Variants in DHRSX observed in about 807,000 individuals in gnomAD.
DHRSX encodes polyprenol dehydrogenase.
Under a neutral mutation model 34.0 loss-of-function variants are expected in DHRSX, and 31 were observed. The observed-to-expected ratio is 0.91, with a 90% CI of 0.69 to 1.23. The LOEUF (loss-of-function observed/expected upper bound fraction) is 1.23, where lower values mean the gene tolerates loss of function less well. Ranked by LOEUF, DHRSX falls within the 50% of genes most tolerant of loss-of-function variation. The pLI is 0.00. For missense variants in DHRSX, 414 were observed against 428.1 expected (o/e 0.97, Z 0.29); for synonymous variants, 201 against 183.8 (o/e 1.09, Z -0.76).
At chrX:2,375,353 G>A (rs1161968009) in intron 3 of DHRSX, among the ~76,000 whole-genome samples, 2 of 138,020 alleles carry the variant, frequency 1.4e-5, no homozygotes, top group African/African-American at 4.9e-5. Context: ...AATGCGGTTC[G>A]TTCTTGGATA....
chrX:2,418,921 AC>A (rs11296729), intron 2 of DHRSX, among the ~76,000 whole-genome samples: 122,788 of 151,694 alleles, frequency 0.81, 50,384 homozygotes, highest in East Asian at 0.94. Context: ...AAATCTCAGA[AC>A]CCCCCCTGCC....
chrX:2,409,904 G>A (rs1043102841), intron 2 of DHRSX, among the ~76,000 whole-genome samples: 5 of 151,662 alleles, frequency 3.3e-5, no homozygotes, highest in African/African-American at 4.8e-5. Context: ...TAATTTTTTC[G>A]TATCTTTAGT....
At chrX:2,374,367 G>A (rs995306347) in intron 3 of DHRSX, among the ~76,000 whole-genome samples, 1 of 152,078 alleles carries the variant, frequency 6.6e-6, no homozygotes, top group Non-Finnish European at 1.5e-5. Flanking sequence ...GGGAGGCCGT[G>A]GTGGGAAGAT....
chrX:2,324,950 T>G (rs2042360602), intron 3 of DHRSX, among the ~76,000 whole-genome samples: 1 of 149,540 alleles, frequency 6.7e-6, no homozygotes, highest in African/African-American at 2.5e-5. Context: ...TGTTTTGTTT[T>G]TTTTTTTTTT....
chrX:2,456,149 C>T (rs1343590044), intron 1 of DHRSX, among the ~76,000 whole-genome samples: 3 of 152,102 alleles, frequency 2.0e-5, no homozygotes, highest in Admixed American at 6.6e-5. Flanking sequence ...GGGGTGACCC[C>T]AGAAACAAGA....
At chrX:2,223,540 G>A (rs1015267421) in intron 6 of DHRSX, among the ~76,000 whole-genome samples, 5 of 152,056 alleles carry the variant, frequency 3.3e-5, no homozygotes, top group Non-Finnish European at 5.9e-5. Context: ...CCTGTGTCCC[G>A]TGTCTTGCCC....
At chrX:2,341,883 C>G (rs190680388) in intron 3 of DHRSX, among the ~76,000 whole-genome samples, 67 of 151,918 alleles carry the variant, frequency 4.4e-4, no homozygotes, top group Non-Finnish European at 9.0e-4. Context: ...CAGCTCACCG[C>G]AACCTCTACC....
intron 3 of DHRSX, among the ~76,000 whole-genome samples, chrX:2,356,688 T>TC (rs1344741292): frequency 6.6e-6 from 1 of 152,136 alleles, no homozygotes; most frequent in Non-Finnish European, 1.5e-5. Context: ...CTCCTTCTCC[T>TC]CCTCAGCCTC....
chrX:2,413,461 G>C (rs1353329570), intron 2 of DHRSX, among the ~76,000 whole-genome samples: 1 of 152,122 alleles, frequency 6.6e-6, no homozygotes, highest in East Asian at 1.9e-4. Flanking sequence ...AAAGAAACAT[G>C]TAAGGTAATG....
chrX:2,344,300 C>G (rs1354522174), intron 3 of DHRSX, among the ~76,000 whole-genome samples: 1 of 152,100 alleles, frequency 6.6e-6, no homozygotes, highest in Non-Finnish European at 1.5e-5. Flanking sequence ...AATGAAATAC[C>G]AACTTATGCC....
At chrX:2,370,013 A>G (rs1337476358) in intron 3 of DHRSX, among the ~76,000 whole-genome samples, 1 of 152,070 alleles carries the variant, frequency 6.6e-6, no homozygotes, top group Non-Finnish European at 1.5e-5. Flanking sequence ...CTCCGGGTTC[A>G]TGACTGAGGA....
intron 4 of DHRSX, among the ~76,000 whole-genome samples, chrX:2,267,525 C>A (rs1385372737): frequency 7.3e-6 from 1 of 137,526 alleles, no homozygotes; most frequent in African/African-American, 2.8e-5. Context: ...AGCCTGGTGA[C>A]AGAGCGAGAC....
At chrX:2,346,528 G>A (rs762507093) in intron 3 of DHRSX, among the ~76,000 whole-genome samples, 27 of 151,740 alleles carry the variant, frequency 1.8e-4, no homozygotes, top group East Asian at 5.8e-4. Context: ...AATCCTTCCC[G>A]CAGCCTTTGG....
chrX:2,460,401 T>C (rs922028932), intron 1 of DHRSX, among the ~76,000 whole-genome samples: 10 of 152,114 alleles, frequency 6.6e-5, no homozygotes, highest in African/African-American at 1.7e-4. Context: ...GATTTTCACA[T>C]TGAAATTTCC....
intron 5 of DHRSX, among the ~76,000 whole-genome samples, chrX:2,265,527 ATG>A (rs2041442971): frequency 7.5e-6 from 1 of 133,256 alleles, no homozygotes. Flanking sequence ...TGTCCAGCAG[ATG>A]CAGGGAGCAC....
chrX:2,452,625 C>T (rs188184268), intron 1 of DHRSX, among the ~76,000 whole-genome samples: 4 of 151,558 alleles, frequency 2.6e-5, no homozygotes, highest in Admixed American at 2.6e-4. Context: ...ACGTTCCCTA[C>T]GCATGCGGCC....
At chrX:2,305,356 A>T (rs748030077) in intron 3 of DHRSX, among the ~76,000 whole-genome samples, 1 of 152,310 alleles carries the variant, frequency 6.6e-6, no homozygotes, top group South Asian at 2.1e-4. Context: ...GCTGGAGAGG[A>T]TGTGGAGAAA....
chrX:2,306,762 C>T (rs143526775), intron 3 of DHRSX, among the ~76,000 whole-genome samples: 2,638 of 152,020 alleles, frequency 0.017, 74 homozygotes, highest in African/African-American at 0.057. Context: ...CTATTTTTGT[C>T]GTGTCCTTGT....
intron 3 of DHRSX, among the ~76,000 whole-genome samples, chrX:2,304,058 TGGA>T: frequency 9.8e-6 from 1 of 101,898 alleles, no homozygotes; most frequent in Non-Finnish European, 2.5e-5. Context: ...GATGGATGGA[TGGA>T]TGGGTGGATG....
Sources: allele counts gnomAD v4.1 joint callset (sites outside exome capture counted in the v4.1 genomes callset), GRCh38; gene constraint gnomAD v4.1.1; transcripts MANE v1.5; gene names NCBI Gene and HGNC (gene_info 2026-07-23, HGNC 2026-07-21).